Variants in ARMH3 observed in about 807,000 individuals in gnomAD.
ARMH3 encodes the protein armadillo-like helical domain-containing protein 3.
In ARMH3, 60 loss-of-function variants were observed where a neutral mutation model predicts 99.1. The ratio of observed to expected loss-of-function variants is 0.61; its 90% CI spans 0.49 to 0.75. The LOEUF is 0.75. Among genes scored for constraint, ARMH3 ranks in the 30% least tolerant of loss-of-function variants. ARMH3 has a pLI of 0.00. For missense variants in ARMH3, 679 were observed against 843.1 expected, an observed-to-expected ratio of 0.81 and a Z score of 2.41; for synonymous variants, 285 against 292.8, an observed-to-expected ratio of 0.97 and a Z score of 0.27.
chr10:102,012,554 A>G (rs1438349596), intron 10 of ARMH3, among the ~76,000 whole-genome samples: 2 of 152,232 alleles, frequency 1.3e-5, no homozygotes, highest in African/African-American at 4.8e-5. Flanking sequence ...TGGCTGGAAG[A>G]CTAGTTAAAA....
At chr10:102,051,363 C>T (rs1349000449) in intron 1 of ARMH3, among the ~76,000 whole-genome samples, 2 of 145,672 alleles carry the variant, frequency 1.4e-5, no homozygotes, top group Non-Finnish European at 3.0e-5. Flanking sequence ...ATCCCAGCTA[C>T]TCAGGAGGCT....
intron 1 of ARMH3, among the ~76,000 whole-genome samples, chr10:102,052,306 C>G (rs962790803): frequency 5.3e-5 from 8 of 152,112 alleles, no homozygotes; most frequent in African/African-American, 1.9e-4. Context: ...TCACTGCAGC[C>G]TCAACCTCCT....
At chr10:102,015,708 G>A (rs1464371646) in intron 8 of ARMH3, among the ~76,000 whole-genome samples, 1 of 152,070 alleles carries the variant, frequency 6.6e-6, no homozygotes, top group East Asian at 1.9e-4. Flanking sequence ...GTTTTAATTG[G>A]GGTCATCTGA....
At chr10:101,945,880 C>T (rs1035839209) in intron 22 of ARMH3, among the ~76,000 whole-genome samples, 1 of 151,316 alleles carries the variant, frequency 6.6e-6, no homozygotes, top group Admixed American at 6.6e-5. Flanking sequence ...GTCAGGAATT[C>T]GAGACCAACC....
At chr10:102,042,862 T>C (rs893313777) in intron 1 of ARMH3, among the ~76,000 whole-genome samples, 1 of 152,124 alleles carries the variant, frequency 6.6e-6, no homozygotes, top group Admixed American at 6.6e-5. Context: ...CACCTGAGGT[T>C]GGGAGTTCGA....
intron 23 of ARMH3, among the ~76,000 whole-genome samples, chr10:101,910,876 A>G (rs568839433): frequency 1.0e-3 from 156 of 151,850 alleles, no homozygotes; most frequent in Middle Eastern, 3.4e-3. Flanking sequence ...GCGGTGACTC[A>G]TGCCTGTAAT....
intron 1 of ARMH3, among the ~76,000 whole-genome samples, chr10:102,046,724 G>C (rs1365590519): frequency 6.6e-6 from 1 of 152,170 alleles, no homozygotes. Flanking sequence ...CAGGCAGCCT[G>C]ATATTAGAGT....
chr10:101,865,855 A>T (rs192078904), intron 24 of ARMH3, among the ~76,000 whole-genome samples: 2 of 152,248 alleles, frequency 1.3e-5, no homozygotes, highest in Non-Finnish European at 2.9e-5. Flanking sequence ...CTATCCACTT[A>T]AAATGCCCTG....
At chr10:102,050,672 A>G (rs1466521230) in intron 1 of ARMH3, among the ~76,000 whole-genome samples, 1 of 151,384 alleles carries the variant, frequency 6.6e-6, no homozygotes, top group Non-Finnish European at 1.5e-5. Context: ...AGCCTGGCCA[A>G]CATGGTAAAA....
chr10:101,951,867 C>CAAAAAAA (rs1248699204), intron 22 of ARMH3, among the ~76,000 whole-genome samples: 1 of 43,840 alleles, frequency 2.3e-5, no homozygotes. Context: ...GACTCCGTCT[C>CAAAAAAA]AAAAAAAAAA....
chr10:101,984,794 G>C (rs1235994099), intron 19 of ARMH3, among the ~76,000 whole-genome samples: 1 of 152,012 alleles, frequency 6.6e-6, no homozygotes, highest in African/African-American at 2.4e-5. Flanking sequence ...CTGGAGGCCA[G>C]GCACAGTGGC....
chr10:101,876,919 G>A (rs186727859), intron 24 of ARMH3, among the ~76,000 whole-genome samples: 2 of 152,204 alleles, frequency 1.3e-5, no homozygotes, highest in Admixed American at 1.3e-4. Context: ...TTCAAAAGCT[G>A]ACTACTGGCC....
chr10:101,973,395 T>C (rs1460094696), intron 20 of ARMH3, among the ~76,000 whole-genome samples: 2 of 150,836 alleles, frequency 1.3e-5, no homozygotes, highest in African/African-American at 2.4e-5. Context: ...AGATAATCGC[T>C]TGTTTAAGCA....
At chr10:101,911,469 G>A (rs948732032) in intron 23 of ARMH3, among the ~76,000 whole-genome samples, 2 of 152,188 alleles carry the variant, frequency 1.3e-5, no homozygotes, top group Non-Finnish European at 2.9e-5. Context: ...GGACGCAGAG[G>A]CTTGTACCTG....
chr10:102,033,585 A>AT, intron 2 of ARMH3: 2 of 393,944 alleles, frequency 5.1e-6, no homozygotes, highest in Non-Finnish European at 9.0e-6. Flanking sequence ...CGCCCGGCTA[A>AT]TTTTTTGTAT....
chr10:101,900,901 T>C (rs763758071), intron 23 of ARMH3, among the ~76,000 whole-genome samples: 2 of 152,038 alleles, frequency 1.3e-5, no homozygotes, highest in Non-Finnish European at 2.9e-5. Context: ...TGAGAATTGC[T>C]TGAACCCAGG....
chr10:101,921,031 T>C (rs550889539), intron 23 of ARMH3, among the ~76,000 whole-genome samples: 34 of 152,270 alleles, frequency 2.2e-4, no homozygotes, highest in African/African-American at 8.2e-4. Context: ...AATTTCAGTT[T>C]TGCAAGATGA....
intron 8 of ARMH3, 78 bp downstream of exon 8, chr10:102,023,399 A>T: frequency 7.6e-7 from 1 of 1,311,738 alleles, no homozygotes; most frequent in Non-Finnish European, 1.1e-6. Context: ...CTTCTACATT[A>T]AGCAAAGTCC....
intron 24 of ARMH3, among the ~76,000 whole-genome samples, chr10:101,867,182 C>G (rs921631739): frequency 6.6e-6 from 1 of 152,180 alleles, no homozygotes; most frequent in Non-Finnish European, 1.5e-5. Context: ...TGCTAGTCTT[C>G]TTGTTATATG....
Sources: gnomAD v4.1 joint callset for allele counts (sites outside exome capture counted in the v4.1 genomes callset) on GRCh38, gnomAD v4.1.1 for gene constraint, MANE v1.5 for transcripts, NCBI Gene and HGNC (gene_info 2026-07-23, HGNC 2026-07-21) for gene names.